The following CPQ variants were observed in gnomAD, a reference collection of about 807,000 sequenced individuals.
CPQ encodes Ser-Met dipeptidase.
Under a neutral mutation model 45.7 loss-of-function variants are expected in CPQ, and 37 were observed. That is an observed-to-expected ratio of 0.81 (90% CI 0.62 to 1.07). CPQ has a LOEUF of 1.07. Ranked by LOEUF, CPQ falls within the 50% of genes least tolerant of loss-of-function variation. The pLI is 0.00. For synonymous variants in CPQ, 186 were observed against 205.8 expected, an observed-to-expected ratio of 0.90 and a Z score of 0.82; for missense variants, 537 against 572.9, an observed-to-expected ratio of 0.94 and a Z score of 0.64.
At chr8:96,701,760 G>A (rs1029672723) in intron 1 of CPQ, among the ~76,000 whole-genome samples, 2 of 152,176 alleles carry the variant, frequency 1.3e-5, no homozygotes, top group Non-Finnish European at 2.9e-5. Flanking sequence ...TTGGCAGGAG[G>A]GGATTTTCGG....
chr8:96,992,915 T>C (rs2130409465), intron 5 of CPQ, among the ~76,000 whole-genome samples: 1 of 152,308 alleles, frequency 6.6e-6, no homozygotes, highest in Non-Finnish European at 1.5e-5. Flanking sequence ...ATCATGACTT[T>C]CATTTGTTGA....
chr8:96,969,916 G>A (rs945470901), intron 5 of CPQ, among the ~76,000 whole-genome samples: 1 of 152,192 alleles, frequency 6.6e-6, no homozygotes, highest in African/African-American at 2.4e-5. Context: ...ACACAGCAGA[G>A]GTAAGGAGTT....
chr8:96,721,341 C>G (rs1457544595), intron 1 of CPQ, among the ~76,000 whole-genome samples: 1 of 152,114 alleles, frequency 6.6e-6, no homozygotes. Context: ...AGTTTTTATT[C>G]TCTCAGAGAT....
chr8:97,018,552 A>G (rs930572551), intron 5 of CPQ, among the ~76,000 whole-genome samples: 1 of 152,232 alleles, frequency 6.6e-6, no homozygotes, highest in Non-Finnish European at 1.5e-5. Context: ...AAAACAATCA[A>G]AACTTCAGGA....
intron 1 of CPQ, among the ~76,000 whole-genome samples, chr8:96,738,210 T>C (rs1263962503): frequency 4.6e-5 from 7 of 152,110 alleles, no homozygotes; most frequent in Non-Finnish European, 1.0e-4. Flanking sequence ...ATGCATTGTT[T>C]CATAGACACA....
chr8:96,926,576 CTCTTCTTCTTCTTCT>C (rs60745622), intron 4 of CPQ, among the ~76,000 whole-genome samples: 20 of 75,042 alleles, frequency 2.7e-4, no homozygotes, highest in South Asian at 4.4e-4. Context: ...CTTCCTCTTC[CTCTTCTTCTTCTTCT>C]TCTTCTTCTT....
intron 2 of CPQ, among the ~76,000 whole-genome samples, chr8:96,807,329 G>A (rs1223333652): frequency 1.3e-5 from 2 of 152,056 alleles, no homozygotes; most frequent in African/African-American, 2.4e-5. Context: ...TGCCTCCCAG[G>A]TTCACGCCAT....
At chr8:96,865,891 C>T (rs961965293) in intron 3 of CPQ, among the ~76,000 whole-genome samples, 11 of 152,024 alleles carry the variant, frequency 7.2e-5, no homozygotes, top group African/African-American at 2.7e-4. Flanking sequence ...ATACTAAATG[C>T]TAGACATATA....
chr8:96,807,005 A>G (rs989291800), intron 2 of CPQ, among the ~76,000 whole-genome samples: 4 of 152,204 alleles, frequency 2.6e-5, no homozygotes, highest in South Asian at 4.1e-4. Context: ...TAAAAAATTT[A>G]AAAGGACAAA....
chr8:96,697,594 C>T (rs879042618), intron 1 of CPQ, among the ~76,000 whole-genome samples: 1 of 152,010 alleles, frequency 6.6e-6, no homozygotes, highest in African/African-American at 2.4e-5. Flanking sequence ...ATGATGTGAT[C>T]TTATATTTGG....
chr8:96,790,227 C>A (rs757348743), intron 2 of CPQ, among the ~76,000 whole-genome samples: 2 of 152,116 alleles, frequency 1.3e-5, no homozygotes, highest in Non-Finnish European at 2.9e-5. Flanking sequence ...GGAGAACATT[C>A]GTGCTACTGC....
chr8:97,140,348 C>A (rs2130633241), intron 7 of CPQ, among the ~76,000 whole-genome samples: 1 of 148,120 alleles, frequency 6.8e-6, no homozygotes, highest in Non-Finnish European at 1.5e-5. Flanking sequence ...TAATCTTACA[C>A]AAACTATCCC....
At chr8:96,752,630 G>A (rs941364260) in intron 1 of CPQ, among the ~76,000 whole-genome samples, 14 of 152,016 alleles carry the variant, frequency 9.2e-5, no homozygotes, top group African/African-American at 3.1e-4. Flanking sequence ...TCTTTCTCTT[G>A]CCTGATTGCC....
intron 3 of CPQ, among the ~76,000 whole-genome samples, chr8:96,869,210 C>A (rs1812033525): frequency 6.6e-6 from 1 of 151,874 alleles, no homozygotes; most frequent in Non-Finnish European, 1.5e-5. Flanking sequence ...AAAGTTAATT[C>A]TAATTTTAAA....
chr8:96,651,965 T>C (rs1316164729), intron 1 of CPQ, among the ~76,000 whole-genome samples: 1 of 152,238 alleles, frequency 6.6e-6, no homozygotes, highest in Non-Finnish European at 1.5e-5. Flanking sequence ...CCTTAAATAC[T>C]TATCATTTTT....
intron 3 of CPQ, among the ~76,000 whole-genome samples, chr8:96,859,463 C>T (rs1409041875): frequency 6.6e-6 from 1 of 152,122 alleles, no homozygotes; most frequent in Non-Finnish European, 1.5e-5. Context: ...TTTGTCCCAG[C>T]AGCTTCCCTC....
rs116506151 is a variant in CPQ, at chr8:96,775,487, G to A, written c.-34-9377G>A. Among the ~76,000 whole-genome samples, 790 of 152,234 alleles carry A rather than the reference G, an allele frequency of 5.2e-3. 4 individuals are homozygous for A. Among genetic ancestry groups the A allele is most frequent in the African/African-American group, 0.015 (624 of 41,544 alleles). On this transcript the variant is annotated intron_variant, in intron 1 of 7. Transcript: ENST00000220763. ...GCAAGTGATACAAGGGTATGGTAAT[G>A]GTGTTTCCAGTACCACAGGCAGCAT...
intron 7 of CPQ, among the ~76,000 whole-genome samples, chr8:97,120,443 T>C (rs962772857): frequency 1.3e-5 from 2 of 152,168 alleles, no homozygotes; most frequent in African/African-American, 4.8e-5. Flanking sequence ...TCCAGATTTA[T>C]GGCACAGATA....
At chr8:96,692,099 T>C (rs1461065448) in intron 1 of CPQ, among the ~76,000 whole-genome samples, 24 of 152,106 alleles carry the variant, frequency 1.6e-4, no homozygotes, top group African/African-American at 4.8e-5. Flanking sequence ...TTGAGTTGAA[T>C]GTTAAAATTG....
Sources: gnomAD v4.1 joint callset for allele counts (sites outside exome capture counted in the v4.1 genomes callset) on GRCh38, gnomAD v4.1.1 for gene constraint, MANE v1.5 for transcripts, NCBI Gene and HGNC (gene_info 2026-07-23, HGNC 2026-07-21) for gene names.